ZMYM2: variants seen among roughly 807,000 people sequenced by gnomAD.
The protein encoded by ZMYM2 is zinc finger MYM-type containing 2, also known as zinc finger MYM-type protein 2.
ZMYM2 carries 56 observed loss-of-function variants against 162.8 expected under a neutral mutation model. That is an observed-to-expected ratio of 0.34 (90% CI 0.28 to 0.43). The LOEUF is 0.43. ZMYM2 is among the 20% of genes least tolerant of loss of function. ZMYM2 has a pLI of 1.00. For missense variants in ZMYM2, 1,275 were observed against 1,621.8 expected, an observed-to-expected ratio of 0.79 and a Z score of 3.67; for synonymous variants, 510 against 541.6, an observed-to-expected ratio of 0.94 and a Z score of 0.81.
chr13:20,079,345 G>GAAAAAAAAAAAAAAAAAA (rs1957754259), intron 21 of ZMYM2, among the ~76,000 whole-genome samples: 1 of 19,140 alleles, frequency 5.2e-5, no homozygotes, highest in African/African-American at 1.5e-4. Context: ...AAAAAAAAAG[G>GAAAAAAAAAAAAAAAAAA]ATACTTAATG....
At chr13:19,911,782 C>T in the ZMYM2 span, among the ~76,000 whole-genome samples, 1 of 152,220 alleles carries the variant, frequency 6.6e-6, no homozygotes, top group East Asian at 1.9e-4. Flanking sequence ...CACATTGGTT[C>T]CCTGACCTGC....
the ZMYM2 span, among the ~76,000 whole-genome samples, chr13:19,937,175 T>C: frequency 6.6e-6 from 1 of 152,030 alleles, no homozygotes; most frequent in Non-Finnish European, 1.5e-5. Context: ...CTTAAGATAG[T>C]TTTGTTCTTG....
chr13:19,887,963 C>A, the ZMYM2 span, among the ~76,000 whole-genome samples: 26 of 151,190 alleles, frequency 1.7e-4, 1 homozygote, highest in Non-Finnish European at 7.4e-5. Context: ...CTCACTGCAA[C>A]CTCCGCCTTC....
the ZMYM2 span, among the ~76,000 whole-genome samples, chr13:19,934,767 C>CTTTTT: frequency 1.8e-4 from 26 of 147,418 alleles, no homozygotes; most frequent in African/African-American, 4.4e-4. Flanking sequence ...TTCTTTCTTT[C>CTTTTT]TTTCTTTTTT....
chr13:19,905,655 G>A, the ZMYM2 span, among the ~76,000 whole-genome samples: 1 of 151,992 alleles, frequency 6.6e-6, no homozygotes, highest in African/African-American at 2.4e-5. Flanking sequence ...TCCTTCCCTT[G>A]GAAACCACAG....
intron 9 of ZMYM2, among the ~76,000 whole-genome samples, chr13:20,031,112 G>A (rs188501640): frequency 5.1e-4 from 78 of 152,096 alleles, no homozygotes; most frequent in African/African-American, 1.8e-3. Context: ...TAATTCTGTG[G>A]TTAAAAATTA....
chr13:19,890,505 T>TAAAAAA, the ZMYM2 span, among the ~76,000 whole-genome samples: 7,608 of 98,412 alleles, frequency 0.077, 520 homozygotes, highest in South Asian at 0.087. Context: ...AGTGCTTTTG[T>TAAAAAA]AAAAAAAAAA....
At chr13:20,052,357 TG>T in intron 14 of ZMYM2, 46 bp downstream of exon 14, 1 of 1,524,260 alleles carries the variant, frequency 6.6e-7, no homozygotes. Flanking sequence ...TTTTGTAATA[TG>T]GGGTAAAAAA....
the ZMYM2 span, among the ~76,000 whole-genome samples, chr13:19,945,923 T>C: frequency 1.6e-5 from 2 of 123,572 alleles, no homozygotes; most frequent in Non-Finnish European, 3.2e-5. Flanking sequence ...CACTCCAGCC[T>C]GGGCAACAAG....
chr13:19,883,778 G>GAAGCTGT, the ZMYM2 span, among the ~76,000 whole-genome samples: 281 of 152,012 alleles, frequency 1.8e-3, no homozygotes, highest in African/African-American at 6.4e-3. Flanking sequence ...TTTTGAGCTG[G>GAAGCTGT]AATCTTTTAA....
the ZMYM2 span, among the ~76,000 whole-genome samples, chr13:19,895,189 G>A: frequency 6.6e-6 from 1 of 151,530 alleles, no homozygotes; most frequent in African/African-American, 2.4e-5. Context: ...AACTGGAACT[G>A]TTGTGCCTTG....
chr13:19,938,213 T>C, the ZMYM2 span, among the ~76,000 whole-genome samples: 1 of 152,118 alleles, frequency 6.6e-6, no homozygotes, highest in African/African-American at 2.4e-5. Flanking sequence ...TCTAGATCCC[T>C]GAAATAAAGA....
intron 12 of ZMYM2, among the ~76,000 whole-genome samples, chr13:20,043,922 G>T (rs1402175011): frequency 6.6e-6 from 1 of 152,114 alleles, no homozygotes; most frequent in Non-Finnish European, 1.5e-5. Context: ...CAGTGGTCAA[G>T]TTCCGTCTGC....
At chr13:19,888,397 C>T in the ZMYM2 span, among the ~76,000 whole-genome samples, 3 of 151,822 alleles carry the variant, frequency 2.0e-5, no homozygotes, top group Admixed American at 1.3e-4. Context: ...CCATGTTGCC[C>T]AGGCTGGTCT....
chr13:19,933,166 GGTCTT>G, the ZMYM2 span, among the ~76,000 whole-genome samples: 1 of 151,874 alleles, frequency 6.6e-6, no homozygotes, highest in Admixed American at 6.6e-5. Flanking sequence ...TGCCCATGCT[GGTCTT>G]GAACTCCTGG....
At chr13:19,957,720 A>T (rs1954636369), upstream of ZMYM2, among the ~76,000 whole-genome samples, 2 of 152,240 alleles carry the variant, frequency 1.3e-5, no homozygotes, top group African/African-American at 4.8e-5. Context: ...GGGCAGGGCC[A>T]GCGCCCCGGG....
intron 2 of ZMYM2, among the ~76,000 whole-genome samples, chr13:19,964,482 C>T (rs764420580): frequency 5.3e-5 from 8 of 152,228 alleles, no homozygotes; most frequent in Non-Finnish European, 1.0e-4. Flanking sequence ...CCACACTGCT[C>T]TCAAACTGCT....
intron 8 of ZMYM2, 73 bp from the exon 9 acceptor site, chr13:20,027,130 T>C (rs894521890): frequency 1.0e-6 from 1 of 979,566 alleles, no homozygotes; most frequent in African/African-American, 1.7e-5. Context: ...ACTTCTATGA[T>C]CTCAGTAGTT....
At chr13:19,957,610 C>T (rs1483299098), upstream of ZMYM2, among the ~76,000 whole-genome samples, 1 of 152,242 alleles carries the variant, frequency 6.6e-6, no homozygotes, top group Non-Finnish European at 1.5e-5. Context: ...GCGGCCGCAG[C>T]GAGTGCGCCC....
Sources: gnomAD v4.1 joint callset for allele counts (sites outside exome capture counted in the v4.1 genomes callset) on GRCh38, gnomAD v4.1.1 for gene constraint, MANE v1.5 for transcripts, NCBI Gene and HGNC (gene_info 2026-07-23, HGNC 2026-07-21) for gene names.